The following ENG variants were observed in gnomAD, a reference collection of about 807,000 sequenced individuals.
ENG encodes CD105 antigen.
In ENG, 17 loss-of-function variants were observed where a neutral mutation model predicts 71.0. The ratio of observed to expected loss-of-function variants is 0.24; its 90% CI spans 0.16 to 0.36. The LOEUF (loss-of-function observed/expected upper bound fraction) is 0.36, where lower values mean the gene tolerates loss of function less well. Ranked by LOEUF, ENG falls within the 10% of genes least tolerant of loss-of-function variation. The pLI, the probability that ENG is intolerant of heterozygous loss-of-function variation, is 1.00. For missense variants in ENG, 749 were observed against 868.3 expected, an observed-to-expected ratio of 0.86 and a Z score of 1.73; for synonymous variants, 360 against 366.9, an observed-to-expected ratio of 0.98 and a Z score of 0.21.
rs566090678 is a variant in ENG, at chr9:127,829,764, C to A, written c.283G>T (p.Val95Leu). ...CTGTTTACACTGAGGACCAGAAGCACCTCTCGGGGCCAGGTGCCATTTTGC... is the reference window on the plus strand; with the variant it reads ...CTGTTTACACTGAGGACCAGAAGCAACTCTCGGGGCCAGGTGCCATTTTGC... The part of the protein sequence containing the change: ...SKQNGTWPRE[V>L]LLVLSVNSSV... The change falls in exon 3 of 15, where the codon GTG (valine) becomes TTG (leucine). Residue 95 changes from valine (V) to leucine (L), a missense_variant. Physicochemically the swap from Val to Leu is conservative, Grantham distance 32 (BLOSUM62 1). Coordinates refer to ENST00000373203, the MANE Select transcript of ENG (RefSeq NM_001114753.3). 4.3e-6 allele frequency: 7 copies of A among 1,614,034 alleles called. No homozygotes were observed. Among genetic ancestry groups the A allele is most frequent in the Admixed American group, 3.3e-5 (2 of 59,992 alleles).
At chr9:127,824,253 G>A in intron 8 of ENG, 51 bp downstream of exon 8, 2 of 1,613,694 alleles carry the variant, frequency 1.2e-6, no homozygotes, top group Non-Finnish European at 8.5e-7. Flanking sequence ...GGCTAGGGGA[G>A]GAACCAGATG....
rs773530203 is a variant in ENG at position 127,815,036 on chromosome 9, TTGG to T, written c.*643_*645del. Reference sequence around the variant, plus strand: ...ATCACTGGTTTCATGGTCTGATTTATTGGTGGTGAATACACAGGGGCAGGCCCA... The same window carrying T: ...ATCACTGGTTTCATGGTCTGATTTATTGGTGAATACACAGGGGCAGGCCCA... On this transcript the variant is annotated 3_prime_UTR_variant, in exon 15 of 15. Transcript: ENST00000373203. 3 of 152,820 alleles carry T rather than the reference TTGG, an allele frequency of 2.0e-5. No homozygotes were observed. The highest frequency in any genetic ancestry group is 6.5e-5 in the Admixed American group (1 of 15,316). 9.5% of individuals were successfully genotyped at this position (152,820 alleles called of 1,614,324 possible).
chr9:127,843,759 T>A (rs10987755), intron 1 of ENG, among the ~76,000 whole-genome samples: 543 of 4,920 alleles, frequency 0.11, 1 homozygote, highest in Admixed American at 0.15. Context: ...ATATATATTT[T>A]TTTTTTTTTT....
At chr9:127,819,419 G>T in intron 10 of ENG, 1 of 665,458 alleles carries the variant, frequency 1.5e-6, no homozygotes, top group South Asian at 1.7e-5. Context: ...GCCAGTATGT[G>T]CTAAGCCCTC....
rs1830622146 is a variant in ENG, at chr9:127,826,619, C to A, written c.414G>T (p.Leu138=). 1 of 1,613,950 alleles carries A rather than the reference C, an allele frequency of 6.2e-7. No homozygotes were observed. Among genetic ancestry groups the A allele is most frequent in the African/African-American group, 1.3e-5 (1 of 74,892 alleles). The change falls in exon 4 of 15, where the codon CTG becomes CTT. Residue 138 remains leucine (L), a synonymous_variant. Transcript: ENST00000373203. ...GGATCTGGGTCTTGGGGAAGGATGG[C>A]AGCTCTGTGGTGTTGACCCCCGGGG... is the stretch of plus-strand genomic sequence containing the variant. ...QEPPGVNTTE[L]PSFPKTQILE... is the part of the protein sequence containing the mutation.
chr9:127,825,085 C>A, intron 6 of ENG, 111 bp from the exon 7 acceptor site: 1 of 1,583,938 alleles, frequency 6.3e-7, no homozygotes, highest in South Asian at 1.1e-5. Context: ...ACTCCTGCTG[C>A]GTCTTCTGCC....
intron 1 of ENG, among the ~76,000 whole-genome samples, chr9:127,850,874 G>A (rs1471444128): frequency 6.6e-6 from 1 of 152,310 alleles, no homozygotes; most frequent in Admixed American, 6.5e-5. Context: ...TAGAACAAAG[G>A]GGAAACCACC....
chr9:127,824,187 G>C, intron 8 of ENG, 117 bp downstream of exon 8: 1 of 1,447,072 alleles, frequency 6.9e-7, no homozygotes, highest in Non-Finnish European at 9.6e-7. Flanking sequence ...GAAAACTAAG[G>C]CTTGCAGAGG....
intron 1 of ENG, among the ~76,000 whole-genome samples, chr9:127,850,627 G>A (rs368082250): frequency 2.6e-5 from 4 of 152,146 alleles, no homozygotes; most frequent in South Asian, 2.1e-4. Context: ...TCGCTCTTGC[G>A]CCACTGACCC....
rs756994701 is a variant in ENG, at chr9:127,854,365, G to T, written c.-10C>A. The T allele has an allele frequency of 6.3e-7, 1 of 1,580,572 alleles. No individual in the cohort carries two copies. The highest frequency in any genetic ancestry group is 8.6e-7 in the Non-Finnish European group (1 of 1,163,872). On this transcript the variant is annotated 5_prime_UTR_variant, in exon 1 of 15. Transcript: ENST00000373203. Reference sequence around the variant, plus strand: ...GCGTGCCGCGGTCCATGCTGTCCACGTGGGGGCCTGTGCGCTGGGCCTTAT... The same window carrying T: ...GCGTGCCGCGGTCCATGCTGTCCACTTGGGGGCCTGTGCGCTGGGCCTTAT...
Position 127,836,016 on chromosome 9 carries a change from G to C in ENG, c.220-6189C>G, listed in dbSNP as rs1830894229. Among the ~76,000 whole-genome samples, 2 of 152,190 alleles carry C rather than the reference G, an allele frequency of 1.3e-5. No homozygotes were observed. The highest frequency in any genetic ancestry group is 2.1e-4 in the South Asian group (1 of 4,832). On this transcript the variant is annotated intron_variant, in intron 2 of 14. Coordinates refer to ENST00000373203, the MANE Select transcript of ENG (RefSeq NM_001114753.3). The surrounding 1 kb of genome is among the most constrained non-coding windows in gnomAD (Gnocchi z 4.0). ...AAAGCTGGGTGCTCAGGTTCTCTGA[G>C]CTGCAGGGCCAAGCTGAAAAACAGC...
Position 127,824,952 on chromosome 9 carries a change from T to C in ENG, c.839A>G (p.Lys280Arg), listed in dbSNP as rs774709924. Residue 280 changes from lysine (K) to arginine (R), a missense_variant, in exon 7 of 15, where the codon AAG becomes AGG. Lys to Arg is a conservative substitution (Grantham distance 26). Coordinates refer to ENST00000373203, the MANE Select transcript of ENG (RefSeq NM_001114753.3). ...ACGAATGTTTTTCTCTGGAAAGATC[T>C]TGAAGGAGTATTCTCCAGTGGTCTA... ...QIWTTGEYSF[K>R]IFPEKNIRGF... 12 of 1,613,812 alleles carry C rather than the reference T, an allele frequency of 7.4e-6. No homozygotes were observed. Among genetic ancestry groups the C allele is most frequent in the Non-Finnish European group, 1.0e-5 (12 of 1,179,964 alleles).
intron 9 of ENG, 67 bp downstream of exon 9, chr9:127,819,833 T>G: frequency 6.2e-7 from 1 of 1,613,182 alleles, no homozygotes; most frequent in South Asian, 1.1e-5. Context: ...CCCTGGGGGA[T>G]CAGGGAGGGC....
In ENG at chr9:127,815,892, G is replaced by C. The variant is rs373626498; in HGVS notation, c.1852+51C>G. ...CTCAGAGGCTTCACTGGGCTCCCCC[G>C]GGTGGATGGAGGGGCCCGGCATGCT... On this transcript the variant is annotated intron_variant, in intron 14 of 14. Transcript: ENST00000373203. 54 of 1,569,890 alleles carry C rather than the reference G, an allele frequency of 3.4e-5. No homozygotes were observed. The highest frequency in any genetic ancestry group is 4.2e-5 in the Non-Finnish European group (49 of 1,157,888).
At chr9:127,825,503 C>A in intron 5 of ENG, 146 bp from the exon 6 acceptor site, 1 of 1,423,054 alleles carries the variant, frequency 7.0e-7, no homozygotes, top group Non-Finnish European at 9.6e-7. Flanking sequence ...CAGGCTTGTG[C>A]CCAAAGGGAA....
At position 127,823,668 on chromosome 9, in the gene ENG, A is replaced by T. The variant is rs1830525633; in HGVS notation, c.1134+636T>A. ...CTCCCAAAGTGCTGGGATTACAGGC[A>T]CCGGCTTTTTTTTTTTTTTTTTTTT... On this transcript the variant is annotated intron_variant, in intron 8 of 14. Transcript: ENST00000373203. Among the ~76,000 whole-genome samples the T allele has an allele frequency of 2.4e-5, 3 of 126,750 alleles. No homozygotes were observed. The Admixed American group carries it at 2.5e-4, about 10-fold the overall frequency. The allele number at this position is 126,750 out of a possible 152,430, so 83.2% of individuals were successfully genotyped here. A position where few individuals can be genotyped will look rare whatever the true frequency, so the allele number is the denominator to read the frequency against.
At chr9:127,848,013 G>T (rs2131927517) in intron 1 of ENG, among the ~76,000 whole-genome samples, 1 of 152,310 alleles carries the variant, frequency 6.6e-6, no homozygotes, top group East Asian at 1.9e-4. Context: ...CCTGCCAGCT[G>T]CCTTTCCATC....
At chr9:127,826,727 T>C in intron 3 of ENG, 55 bp from the exon 4 acceptor site, 1 of 1,604,552 alleles carries the variant, frequency 6.2e-7, no homozygotes, top group South Asian at 1.1e-5. Flanking sequence ...GCCCTCTCTA[T>C]CCCATGTAGG....
chr9:127,816,205 C>T lies in ENG; in HGVS notation c.1742-152G>A, dbSNP rs1161945597. On this transcript the variant is annotated intron_variant, in intron 13 of 14. Coordinates refer to ENST00000373203, the MANE Select transcript of ENG (RefSeq NM_001114753.3). ...TCAGTCTCCTCTTGCAGCAAACGGG[C>T]TCATCACAGCCAGGCCTGGCATTGA... 5 of 969,590 alleles carry T rather than the reference C, an allele frequency of 5.2e-6. No individual in the cohort carries two copies. In the African/African-American group the frequency reaches 6.4e-5, roughly 12 times the overall value. The allele number at this position is 969,590 out of a possible 1,614,324, so 60.1% of individuals were successfully genotyped here.
Sources: allele counts gnomAD v4.1 joint callset (sites outside exome capture counted in the v4.1 genomes callset), GRCh38; gene constraint gnomAD v4.1.1; non-coding constraint Gnocchi (gnomAD v3.1); transcripts MANE v1.5; gene names NCBI Gene and HGNC (gene_info 2026-07-23, HGNC 2026-07-21).